Variants in PLCD1 observed in about 807,000 individuals in gnomAD.
PLCD1 encodes phospholipase C delta 1, also known as 1-phosphatidylinositol 4,5-bisphosphate phosphodiesterase delta-1.
Under a neutral mutation model 87.4 loss-of-function variants are expected in PLCD1, and 71 were observed. The ratio of observed to expected loss-of-function variants is 0.81; its 90% CI spans 0.67 to 0.99. PLCD1 has a LOEUF of 0.99. PLCD1 is among the 50% of genes least tolerant of loss of function. The pLI is 0.00. For missense variants in PLCD1, 867 were observed against 1,001.5 expected (o/e 0.87, Z 1.81); for synonymous variants, 348 against 399.2 (o/e 0.87, Z 1.53).
chr3:38,013,818 T>A (rs1390472960), intron 3 of PLCD1, among the ~76,000 whole-genome samples: 1 of 152,200 alleles, frequency 6.6e-6, no homozygotes, highest in Non-Finnish European at 1.5e-5. Context: ...AAGCTCACAA[T>A]CAGGCAGATG....
chr3:38,013,077 A>G (rs1446770228), intron 3 of PLCD1, among the ~76,000 whole-genome samples: 1 of 151,616 alleles, frequency 6.6e-6, no homozygotes, highest in Non-Finnish European at 1.5e-5. Flanking sequence ...TTTTGGAGAG[A>G]TGGGGTTTTG....
chr3:38,024,450 C>A (rs1251385165), intron 1 of PLCD1: 1 of 1,605,660 alleles, frequency 6.2e-7, no homozygotes, highest in Non-Finnish European at 8.5e-7. Context: ...CCACAGTGCC[C>A]CTGCCTGCGC....
At chr3:38,023,842 A>G (rs1700268624) in intron 1 of PLCD1, among the ~76,000 whole-genome samples, 1 of 151,186 alleles carries the variant, frequency 6.6e-6, no homozygotes, top group South Asian at 2.1e-4. Context: ...TCACAACATT[A>G]CACACCATCA....
intron 3 of PLCD1, chr3:38,014,747 G>T (rs763183508): frequency 6.5e-6 from 1 of 152,768 alleles, no homozygotes; most frequent in South Asian, 2.1e-4. Flanking sequence ...TAAAAGACTT[G>T]TATCTATAAT....
Position 38,029,500 on chromosome 3 carries a change from A to T in PLCD1, c.34+6T>A, listed in dbSNP as rs1027667207. On this transcript the variant is annotated splice_donor_region_variant and intron_variant, in intron 1 of 14. Transcript: ENST00000334661. ...GGTCTCCCGCTCGCGCGGGCCAGGC[A>T]CTCACCGTGCAGGGTCAGGAAGTCC... 1.3e-6 allele frequency: 2 copies of T among 1,539,344 alleles called. No homozygotes were observed. Among genetic ancestry groups the T allele is most frequent in the Non-Finnish European group, 8.7e-7 (1 of 1,146,334 alleles).
rs781358862 is a variant in PLCD1, at chr3:38,009,298, C to T, written c.1580G>A (p.Arg527His). 14 of 1,614,004 alleles carry T rather than the reference C, an allele frequency of 8.7e-6. No individual in the cohort carries two copies. The highest frequency in any genetic ancestry group is 4.5e-5 in the East Asian group (2 of 44,886). Residue 527 changes from arginine (R) to histidine (H), a missense_variant, in exon 10 of 15, where the codon CGT becomes CAT. Coordinates refer to ENST00000334661, the MANE Select transcript of PLCD1 (RefSeq NM_006225.4). ...FYEMASFSEN[R>H]ALRLLQESGN... ...TGATTCTTGGAGCAGTCGAAGGGCA[C>T]GGTTCTCAGAGAAGGACGCCATCTC...
intron 3 of PLCD1, among the ~76,000 whole-genome samples, chr3:38,015,388 A>G (rs754665164): frequency 1.5e-4 from 23 of 152,320 alleles, no homozygotes; most frequent in African/African-American, 2.9e-4. Flanking sequence ...GAAAGTGTAT[A>G]GAGGCAGAAA....
At chr3:38,026,580 C>A (rs182542621) in intron 1 of PLCD1, among the ~76,000 whole-genome samples, 3 of 152,280 alleles carry the variant, frequency 2.0e-5, no homozygotes, top group Admixed American at 6.5e-5. Flanking sequence ...ACAGGCTTCA[C>A]CTGACTGCCA....
intron 1 of PLCD1, among the ~76,000 whole-genome samples, chr3:38,029,139 C>A (rs867089322): frequency 9.2e-5 from 14 of 152,364 alleles, no homozygotes; most frequent in Middle Eastern, 6.8e-3. Context: ...GAATTTTGGT[C>A]GTTCTTGGAT....
intron 2 of PLCD1, among the ~76,000 whole-genome samples, chr3:38,019,285 T>C (rs557191185): frequency 6.6e-6 from 1 of 152,332 alleles, no homozygotes; most frequent in East Asian, 1.9e-4. Flanking sequence ...ACTAGCCACC[T>C]GGGGCTATTT....
chr3:38,018,294 C>T lies in PLCD1; in HGVS notation c.200-1575G>A, dbSNP rs72865507. Among the ~76,000 whole-genome samples, 8,583 of 152,186 alleles carry T rather than the reference C, an allele frequency of 0.056. 422 individuals are homozygous for T. Among genetic ancestry groups the T allele is most frequent in the African/African-American group, 0.13 (5,405 of 41,488 alleles). On this transcript the variant is annotated intron_variant, in intron 2 of 14. Transcript: ENST00000334661. The surrounding 1 kb of genome is among the most constrained non-coding windows in gnomAD (Gnocchi z 5.7). ...GGCTCAGCACGAGACCCGTCTCAGG[C>T]GTCTGACCAGCAGAAAGCCCCCTCA...
intron 9 of PLCD1, 76 bp downstream of exon 9, chr3:38,009,577 G>A (rs970999155): frequency 1.2e-5 from 19 of 1,588,832 alleles, no homozygotes; most frequent in African/African-American, 8.1e-5. Context: ...ACAGAGAACT[G>A]AGACAAGGCA....
chr3:38,016,422 G>A (rs1237679677), intron 3 of PLCD1, 69 bp downstream of exon 3: 1 of 1,049,246 alleles, frequency 9.5e-7, no homozygotes, highest in East Asian at 2.5e-5. Context: ...CCATACCCAA[G>A]TTGCCCTGGG....
chr3:38,019,473 A>G (rs890014972), intron 2 of PLCD1, among the ~76,000 whole-genome samples: 3 of 151,974 alleles, frequency 2.0e-5, no homozygotes, highest in Non-Finnish European at 4.4e-5. Flanking sequence ...AAATTTCCCC[A>G]CCAAGTAAAG....
intron 8 of PLCD1, 43 bp downstream of exon 8, chr3:38,009,861 G>T: frequency 6.2e-7 from 1 of 1,606,656 alleles, no homozygotes; most frequent in Non-Finnish European, 8.5e-7. Flanking sequence ...CCCCGGCTAG[G>T]CTCCCCACCC....
chr3:38,009,416 G>T lies in PLCD1; in HGVS notation c.1462C>A (p.Leu488Ile), dbSNP rs1218361670. 1 of 1,614,082 alleles carries T rather than the reference G, an allele frequency of 6.2e-7. No homozygotes were observed. ...QHKPKEDKLR[L>I]AQELSDMVIY... Reference sequence around the variant, plus strand: ...ACCATGTCAGAGAGCTCCTGTGCTAGCCTGAGCTTGTCCTCCTGGGGAACA... The same window carrying T: ...ACCATGTCAGAGAGCTCCTGTGCTATCCTGAGCTTGTCCTCCTGGGGAACA... Residue 488 changes from leucine (L) to isoleucine (I), a missense_variant, in exon 10 of 15, where the codon CTA (leucine) becomes ATA (isoleucine). Coordinates refer to ENST00000334661, the MANE Select transcript of PLCD1 (RefSeq NM_006225.4).
At position 38,015,615 on chromosome 3, in the gene PLCD1, A is replaced by G. The variant is rs538411629; in HGVS notation, c.428+876T>C. Among the ~76,000 whole-genome samples the G allele has an allele frequency of 1.9e-3, 290 of 152,358 alleles. 2 individuals carry two copies. Among genetic ancestry groups the G allele is most frequent in the African/African-American group, 6.6e-3 (273 of 41,586 alleles). On this transcript the variant is annotated intron_variant, in intron 3 of 14. Transcript: ENST00000334661. ...TGAATTACACCTCAATAAAGCTGCCATAAAAAATGGAGAGAGCTGGCTCCA... is the reference window on the plus strand; with the variant it reads ...TGAATTACACCTCAATAAAGCTGCCGTAAAAAATGGAGAGAGCTGGCTCCA...
intron 5 of PLCD1, among the ~76,000 whole-genome samples, chr3:38,010,893 C>T (rs1478806268): frequency 1.3e-5 from 2 of 151,856 alleles, no homozygotes; most frequent in Admixed American, 1.3e-4. Context: ...CAAAGCTGGG[C>T]CAAGAATGAG....
At chr3:38,008,809 C>T (rs2125543067) in intron 11 of PLCD1, 173 bp from the exon 12 acceptor site, 4 of 684,752 alleles carry the variant, frequency 5.8e-6, no homozygotes, top group Admixed American at 2.3e-5. Flanking sequence ...GCTAACCACA[C>T]CTTCCATTCC....
Sources: gnomAD v4.1 joint callset for allele counts (sites outside exome capture counted in the v4.1 genomes callset) on GRCh38, gnomAD v4.1.1 for gene constraint, Gnocchi (gnomAD v3.1) non-coding constraint, MANE v1.5 for transcripts, NCBI Gene and HGNC (gene_info 2026-07-23, HGNC 2026-07-21) for gene names.